The following SELPLG variants were observed in gnomAD, a reference collection of about 807,000 sequenced individuals.
SELPLG encodes the protein P-selectin glycoprotein ligand 1.
SELPLG carries 2 observed loss-of-function variants against 1.1 expected under a neutral mutation model. The observed-to-expected ratio is 1.82, with a 90% CI of 0.74 to 5.71. The LOEUF is 5.71. Among genes scored for constraint, SELPLG ranks in the 30% most tolerant of loss-of-function variants. The pLI, the probability that SELPLG is intolerant of heterozygous loss-of-function variation, is 0.05. For missense variants in SELPLG, 478 were observed against 524.7 expected, an observed-to-expected ratio of 0.91 and a Z score of 0.87; for synonymous variants, 230 against 221.2, an observed-to-expected ratio of 1.04 and a Z score of -0.35.
At chr12:108,632,942 T>C (rs1287918940) in intron 1 of SELPLG, among the ~76,000 whole-genome samples, 2 of 152,294 alleles carry the variant, frequency 1.3e-5, no homozygotes, top group South Asian at 2.1e-4. Context: ...GTGGGAAGAA[T>C]GCATCTTTCT....
At chr12:108,627,477 C>G (rs1445413381) in intron 1 of SELPLG, among the ~76,000 whole-genome samples, 1 of 152,236 alleles carries the variant, frequency 6.6e-6, no homozygotes, top group Non-Finnish European at 1.5e-5. Flanking sequence ...GATGTGGGGT[C>G]AGACAAAAAG....
chr12:108,624,655 C>A (rs2031902142), intron 1 of SELPLG, among the ~76,000 whole-genome samples: 1 of 150,392 alleles, frequency 6.6e-6, no homozygotes, highest in Non-Finnish European at 1.5e-5. Flanking sequence ...AGTGCTTCTG[C>A]TTCTAGTTCT....
chr12:108,631,841 C>G, intron 1 of SELPLG: 1 of 1,496,734 alleles, frequency 6.7e-7, no homozygotes, highest in Non-Finnish European at 9.0e-7. Context: ...CAAACACAGA[C>G]CCCCAACACA....
chr12:108,622,607 A>G lies in SELPLG; in HGVS notation c.*462T>C, dbSNP rs2031842471. 6.3e-6 allele frequency: 1 copy of G among 159,434 alleles called. No homozygotes were observed. Among genetic ancestry groups the G allele is most frequent in the Non-Finnish European group, 1.4e-5 (1 of 72,810 alleles). The allele number at this position is 159,434 out of a possible 1,614,324, so 9.9% of individuals were successfully genotyped here. Reference sequence around the variant, plus strand: ...CACTCTTCAGTACTCCTCCCTTAGAATGTCCACTTCCTGTTTGGTGACCAT... The same window carrying G: ...CACTCTTCAGTACTCCTCCCTTAGAGTGTCCACTTCCTGTTTGGTGACCAT... On this transcript the variant is annotated 3_prime_UTR_variant, in exon 2 of 2. Coordinates refer to ENST00000550948, the MANE Select transcript of SELPLG (RefSeq NM_003006.4).
Position 108,623,799 on chromosome 12 carries a change from T to G in SELPLG, c.509A>C (p.Glu170Ala). 1 of 1,613,686 alleles carries G rather than the reference T, an allele frequency of 6.2e-7. No homozygotes were observed. Among genetic ancestry groups the G allele is most frequent in the South Asian group, 1.1e-5 (1 of 90,992 alleles). Residue 170 changes from glutamate (E) to alanine (A), a missense_variant, in exon 2 of 2, where the codon GAG (glutamate) becomes GCG (alanine). Transcript: ENST00000550948. ...GGCTGCTGGTGGAGTGGTCTGTGCC[T>G]CTGTGGCTGCCAGTGGAGTGGTCTG... is the stretch of plus-strand genomic sequence containing the variant. ...EAQTTPLAATEAQTTPPAATE... is the reference protein window; with the variant it reads ...EAQTTPLAATAAQTTPPAATE...
intron 1 of SELPLG, chr12:108,632,047 C>A: frequency 1.2e-6 from 1 of 844,330 alleles, no homozygotes; most frequent in Non-Finnish European, 1.9e-6. Flanking sequence ...GTAAAAGGGG[C>A]ACTGTCCACC....
At chr12:108,633,013 C>T (rs1236506844) in intron 1 of SELPLG, among the ~76,000 whole-genome samples, 1 of 152,132 alleles carries the variant, frequency 6.6e-6, no homozygotes, top group Non-Finnish European at 1.5e-5. Context: ...CTGCACTCCC[C>T]CTACTTTCTG....
Position 108,622,000 on chromosome 12 carries a change from G to A in SELPLG, c.*1069C>T. 6.6e-6 allele frequency among the ~76,000 whole-genome samples: 1 copy of A among 152,350 alleles called. No homozygotes were observed. The highest frequency in any genetic ancestry group is 2.1e-4 in the South Asian group (1 of 4,832). On this transcript the variant is annotated 3_prime_UTR_variant, in exon 2 of 2. Coordinates refer to ENST00000550948, the MANE Select transcript of SELPLG (RefSeq NM_003006.4). The stretch of plus-strand genomic sequence containing the variant: ...GGGCCAAAACTGGGTAATGGAGGAA[G>A]TGGAATAAAGTGGTCACTGGTGGGG...
rs8179158 is a variant in SELPLG, at chr12:108,629,182, G to A, written c.-6+4558C>T. Among the ~76,000 whole-genome samples, 345 of 152,286 alleles carry A rather than the reference G, an allele frequency of 2.3e-3. 1 individual carries two copies. The highest frequency in any genetic ancestry group is 3.7e-3 in the Non-Finnish European group (249 of 68,010). ...TGTTATGATAAGACCTGGTACATTCGGAAAGCCCAGACCTCCTTTCCTGGG... is the reference window on the plus strand; with the variant it reads ...TGTTATGATAAGACCTGGTACATTCAGAAAGCCCAGACCTCCTTTCCTGGG... On this transcript the variant is annotated intron_variant, in intron 1 of 1. Coordinates refer to ENST00000550948, the MANE Select transcript of SELPLG (RefSeq NM_003006.4).
intron 1 of SELPLG, among the ~76,000 whole-genome samples, chr12:108,626,771 G>A (rs1358883794): frequency 1.3e-5 from 2 of 152,020 alleles, no homozygotes; most frequent in Non-Finnish European, 2.9e-5. Context: ...AAAGCACTGA[G>A]ATTATAGGCA....
At chr12:108,625,364 G>C (rs557614609) in intron 1 of SELPLG, among the ~76,000 whole-genome samples, 13 of 152,296 alleles carry the variant, frequency 8.5e-5, no homozygotes, top group African/African-American at 3.1e-4. Flanking sequence ...CCTGCACAAT[G>C]CACAACAGGG....
chr12:108,622,830 G>A lies in SELPLG; in HGVS notation c.*239C>T, dbSNP rs1192277981. 1.1e-5 allele frequency: 5 copies of A among 472,718 alleles called. No individual in the cohort carries two copies. The highest frequency in any genetic ancestry group is 1.9e-5 in the African/African-American group (1 of 51,370). The allele number at this position is 472,718 out of a possible 1,614,324, so 29.3% of individuals were successfully genotyped here. A position where few individuals can be genotyped will look rare whatever the true frequency, so the allele number is the denominator to read the frequency against. ...TAAATGGCCTCCTGCCTTGGACCTCGGCTGAAATGTGGCTGGGCTTCATCC... is the reference window on the plus strand; with the variant it reads ...TAAATGGCCTCCTGCCTTGGACCTCAGCTGAAATGTGGCTGGGCTTCATCC... On this transcript the variant is annotated 3_prime_UTR_variant, in exon 2 of 2. Transcript: ENST00000550948.
At chr12:108,630,364 G>A (rs956858480) in intron 1 of SELPLG, among the ~76,000 whole-genome samples, 1 of 152,216 alleles carries the variant, frequency 6.6e-6, no homozygotes, top group Admixed American at 6.5e-5. Flanking sequence ...GGGGCTCCAC[G>A]CCGCTAGGAA....
rs8179146 is a variant in SELPLG at position 108,622,345 on chromosome 12, T to A, written c.*724A>T. ...GGATACTGCAGTGAACAAGACAGAG[T>A]CCACCCTGGAAAGTGGCCACAGGGG... On this transcript the variant is annotated 3_prime_UTR_variant, in exon 2 of 2. Transcript: ENST00000550948. 10 of 152,164 alleles carry A rather than the reference T, an allele frequency of 6.6e-5. No homozygotes were observed. Among genetic ancestry groups the A allele is most frequent in the Admixed American group, 5.9e-4 (9 of 15,278 alleles). 9.4% of individuals were successfully genotyped at this position (152,164 alleles called of 1,614,324 possible).
chr12:108,629,335 C>T (rs916496739), intron 1 of SELPLG, among the ~76,000 whole-genome samples: 1 of 152,232 alleles, frequency 6.6e-6, no homozygotes, highest in East Asian at 1.9e-4. Flanking sequence ...AGCCTGGTCC[C>T]TGCCATCCCA....
intron 1 of SELPLG, among the ~76,000 whole-genome samples, chr12:108,626,375 T>C (rs1315782321): frequency 1.3e-5 from 2 of 152,210 alleles, no homozygotes; most frequent in East Asian, 3.9e-4. Context: ...CCACAAGCAA[T>C]CTGCCCACCT....
At chr12:108,625,143 T>G (rs2031915132) in intron 1 of SELPLG, among the ~76,000 whole-genome samples, 1 of 152,206 alleles carries the variant, frequency 6.6e-6, no homozygotes, top group South Asian at 2.1e-4. Flanking sequence ...CAGATACCGC[T>G]GCTTATTGGA....
Position 108,623,500 on chromosome 12 carries a change from C to G in SELPLG, c.808G>C (p.Glu270Gln), listed in dbSNP as rs2031863212. Residue 270 changes from glutamate (E) to glutamine (Q), a missense_variant, in exon 2 of 2, where the codon GAG becomes CAG. Transcript: ENST00000550948. ...EALSTEPSAT[E>Q]ALSMEPTTKR... ...GTAGTAGGTTCCATGGACAGGGCCT[C>G]TGTGGCACTGGGTTCTGTGGACAGG... 1.2e-6 allele frequency: 2 copies of G among 1,614,258 alleles called. No homozygotes were observed. The highest frequency in any genetic ancestry group is 1.7e-6 in the Non-Finnish European group (2 of 1,180,056).
Position 108,623,216 on chromosome 12 carries a change from G to A in SELPLG, c.1092C>T (p.Cys364=). 6.2e-7 allele frequency: 1 copy of A among 1,614,152 alleles called. No individual in the cohort carries two copies. Among genetic ancestry groups the A allele is most frequent in the Non-Finnish European group, 8.5e-7 (1 of 1,180,000 alleles). The change falls in exon 2 of 2, where the codon TGC becomes TGT. Residue 364 remains cysteine (C), a synonymous_variant. Coordinates refer to ENST00000550948, the MANE Select transcript of SELPLG (RefSeq NM_003006.4). ...CCCCATCAGGCAACAGGGATGAGAT[G>A]CAGACCATCTCGGTGGGGGAGTAAT... The part of the protein sequence containing the change: ...VRNYSPTEMV[C]ISSLLPDGGE...
Sources: allele counts gnomAD v4.1 joint callset (sites outside exome capture counted in the v4.1 genomes callset), GRCh38; gene constraint gnomAD v4.1.1; transcripts MANE v1.5; gene names NCBI Gene and HGNC (gene_info 2026-07-23, HGNC 2026-07-21).